Variants in ALMS1 observed in about 807,000 individuals in gnomAD.
ALMS1 encodes the protein centrosome-associated protein ALMS1.
A neutral mutation model predicts 352.2 loss-of-function variants in ALMS1; 271 were observed. The ratio of observed to expected loss-of-function variants is 0.77; its 90% CI spans 0.70 to 0.85. The LOEUF (loss-of-function observed/expected upper bound fraction) is 0.85, where lower values mean the gene tolerates loss of function less well. Among genes scored for constraint, ALMS1 ranks in the 40% least tolerant of loss-of-function variants. The probability of loss-of-function intolerance (pLI) is 0.00; values close to 1 mark genes in which losing one functional copy is unlikely to be tolerated. For missense variants in ALMS1, 5,445 were observed against 4,870.7 expected, an observed-to-expected ratio of 1.12 and a Z score of -3.51; for synonymous variants, 1,865 against 1,761.2, an observed-to-expected ratio of 1.06 and a Z score of -1.48.
At chr2:73,504,070 CAT>C (rs1435627695) in intron 10 of ALMS1, among the ~76,000 whole-genome samples, 1 of 152,040 alleles carries the variant, frequency 6.6e-6, no homozygotes, top group Non-Finnish European at 1.5e-5. Flanking sequence ...TTTGAAAATA[CAT>C]ATAGACTCAC....
chr2:73,572,188 G>T (rs1250388707), intron 15 of ALMS1, 74 bp from the exon 16 acceptor site: 1 of 1,275,986 alleles, frequency 7.8e-7, no homozygotes, highest in Non-Finnish European at 1.1e-6. Context: ...TGTATCTAAA[G>T]AATTGTGAAT....
At chr2:73,491,779 ATACAAT>A (rs2103897699) in intron 10 of ALMS1, among the ~76,000 whole-genome samples, 1 of 152,342 alleles carries the variant, frequency 6.6e-6, no homozygotes, top group Admixed American at 6.5e-5. Flanking sequence ...TCATCCAATG[ATACAAT>A]TACGAATTTA....
intron 18 of ALMS1, 64 bp downstream of exon 18, chr2:73,600,945 T>C: frequency 6.5e-7 from 1 of 1,542,316 alleles, no homozygotes; most frequent in Non-Finnish European, 8.8e-7. Context: ...CCTGCGATGC[T>C]GACTCTGTGT....
intron 10 of ALMS1, among the ~76,000 whole-genome samples, chr2:73,512,371 C>T (rs1252068740): frequency 6.6e-6 from 1 of 151,796 alleles, no homozygotes; most frequent in East Asian, 1.9e-4. Flanking sequence ...GCGTAAGCTA[C>T]CACGCCTGTC....
At chr2:73,508,497 A>G (rs571759070) in intron 10 of ALMS1, among the ~76,000 whole-genome samples, 3 of 151,630 alleles carry the variant, frequency 2.0e-5, no homozygotes, top group Admixed American at 6.6e-5. Context: ...GAGCCACCGC[A>G]CCCGGCTGAG....
At chr2:73,444,913 C>G (rs1380231930) in intron 7 of ALMS1, among the ~76,000 whole-genome samples, 2 of 151,710 alleles carry the variant, frequency 1.3e-5, no homozygotes, top group Non-Finnish European at 2.9e-5. Flanking sequence ...ATTTAGTTAT[C>G]AATAATTAAT....
chr2:73,574,185 G>A (rs1392067077), intron 16 of ALMS1, among the ~76,000 whole-genome samples: 1 of 152,088 alleles, frequency 6.6e-6, no homozygotes, highest in Non-Finnish European at 1.5e-5. Context: ...CTTAAAGAAG[G>A]CACCACAGTG....
Position 73,547,408 on chromosome 2 carries a change from G to T in ALMS1, c.9908-2859G>T, listed in dbSNP as rs970882815. 2.6e-5 allele frequency among the ~76,000 whole-genome samples: 4 copies of T among 152,132 alleles called. No homozygotes were observed. The East Asian group carries it at 7.7e-4, about 29-fold the overall frequency. ...CTCAGGGTGACTGGCCCCTTTTTCA[G>T]TTAGTTGCTGTGAATCTCTTGTTTT... On this transcript the variant is annotated intron_variant, in intron 12 of 22. Transcript: ENST00000613296.
At chr2:73,454,827 A>G (rs1192095194) in intron 8 of ALMS1, among the ~76,000 whole-genome samples, 1 of 152,220 alleles carries the variant, frequency 6.6e-6, no homozygotes, top group East Asian at 1.9e-4. Context: ...TTTAAATATC[A>G]GCTGTCATGG....
rs750362630 is a variant in ALMS1 at position 73,448,630 on chromosome 2, A to C, written c.2103A>C (p.Pro701=). ...QALKVSAVSG[P]ADQKTGTATV... The stretch of plus-strand genomic sequence containing the variant: ...TGAAAGTCTCAGCTGTGTCTGGACC[A>C]GCTGACCAGAAGACTGGGACAGCAA... Residue 701 remains proline (P), a synonymous_variant, in exon 8 of 23, where the codon CCA becomes CCC. Transcript: ENST00000613296. 49 of 1,613,864 alleles carry C rather than the reference A, an allele frequency of 3.0e-5. No homozygotes were observed. In the East Asian group the frequency reaches 1.1e-3, roughly 36 times the overall value.
chr2:73,548,980 C>A (rs574045191), intron 12 of ALMS1, among the ~76,000 whole-genome samples: 1 of 152,272 alleles, frequency 6.6e-6, no homozygotes, highest in African/African-American at 2.4e-5. Flanking sequence ...CCAATATAAT[C>A]TATTTGGCCC....
At chr2:73,571,188 C>T (rs1374760603) in intron 15 of ALMS1, among the ~76,000 whole-genome samples, 1 of 152,112 alleles carries the variant, frequency 6.6e-6, no homozygotes, top group Non-Finnish European at 1.5e-5. Flanking sequence ...GTAGGGATTC[C>T]TAGAGTATTT....
At position 73,573,433 on chromosome 2, in the gene ALMS1, C is replaced by T; in HGVS notation, c.11547+9C>T. ...GAAGGAGACACATCCAGGTACATGG[C>T]TACAGATTCCATCTGGCAATGTGAC... On this transcript the variant is annotated intron_variant, in intron 16 of 22. Coordinates refer to ENST00000613296, the MANE Select transcript of ALMS1 (RefSeq NM_001378454.1). The T allele has an allele frequency of 6.2e-7, 1 of 1,613,738 alleles. No homozygotes were observed. The highest frequency in any genetic ancestry group is 8.5e-7 in the Non-Finnish European group (1 of 1,179,802).
At chr2:73,581,508 C>G (rs1675177453) in intron 16 of ALMS1, among the ~76,000 whole-genome samples, 1 of 152,192 alleles carries the variant, frequency 6.6e-6, no homozygotes, top group Non-Finnish European at 1.5e-5. Flanking sequence ...CTACAAAGTT[C>G]TTCTACCTTG....
At chr2:73,484,805 C>A (rs1341157606) in intron 9 of ALMS1, among the ~76,000 whole-genome samples, 2 of 152,206 alleles carry the variant, frequency 1.3e-5, no homozygotes, top group Non-Finnish European at 2.9e-5. Context: ...AACTTCCCTT[C>A]TCGCTTCATT....
At chr2:73,484,063 G>T (rs1672771318) in intron 9 of ALMS1, among the ~76,000 whole-genome samples, 1 of 151,726 alleles carries the variant, frequency 6.6e-6, no homozygotes, top group Non-Finnish European at 1.5e-5. Context: ...GGAGCATTTA[G>T]TCCATTTATA....
At chr2:73,557,167 T>C in intron 13 of ALMS1, 53 bp from the exon 14 acceptor site, 1 of 1,611,574 alleles carries the variant, frequency 6.2e-7, no homozygotes. Context: ...ATTACTTGTC[T>C]GTTGTGTTTA....
At chr2:73,601,524 T>G (rs1675688649) in intron 19 of ALMS1, 88 bp downstream of exon 19, 2 of 1,553,642 alleles carry the variant, frequency 1.3e-6, no homozygotes, top group African/African-American at 2.7e-5. Context: ...CTTGGTGAGC[T>G]GAGGTGTAGG....
At chr2:73,593,367 A>G (rs1039904047) in intron 16 of ALMS1, among the ~76,000 whole-genome samples, 1 of 152,178 alleles carries the variant, frequency 6.6e-6, no homozygotes, top group African/African-American at 2.4e-5. Flanking sequence ...CATCACTCCT[A>G]TAGCATCCAG....
Sources: allele counts gnomAD v4.1 joint callset (sites outside exome capture counted in the v4.1 genomes callset), GRCh38; gene constraint gnomAD v4.1.1; transcripts MANE v1.5; gene names NCBI Gene and HGNC (gene_info 2026-07-23, HGNC 2026-07-21).